The following BLNK variants were observed in gnomAD, a reference collection of about 807,000 sequenced individuals.
BLNK encodes B-cell linker protein.
Under a neutral mutation model 73.5 loss-of-function variants are expected in BLNK, and 29 were observed. The ratio of observed to expected loss-of-function variants is 0.39; its 90% CI spans 0.29 to 0.54. BLNK has a LOEUF of 0.54. Among genes scored for constraint, BLNK ranks in the 20% least tolerant of loss-of-function variants. The pLI is 0.61. For synonymous variants in BLNK, 176 were observed against 200.8 expected (o/e 0.88, Z 1.04); for missense variants, 460 against 562.8 (o/e 0.82, Z 1.85).
chr10:96,210,305 C>T lies in BLNK; in HGVS notation c.677-398G>A, dbSNP rs587659875. On this transcript the variant is annotated intron_variant, in intron 8 of 16. Transcript: ENST00000224337. ...CATCTGTGCACACTGCACAAATGTG[C>T]ACGGCAGAGGTGCCCAGAGACAGAG... 2.2e-5 allele frequency: 6 copies of T among 272,158 alleles called. No individual in the cohort carries two copies. The East Asian group carries it at 4.3e-4, about 20-fold the overall frequency. The allele number at this position is 272,158 out of a possible 1,614,324, so 16.9% of individuals were successfully genotyped here. A position where few individuals can be genotyped will look rare whatever the true frequency, so the allele number is the denominator to read the frequency against.
In BLNK at chr10:96,208,011, G is replaced by A. The variant is rs2083862467; in HGVS notation, c.747-112C>T. The A allele has an allele frequency of 5.2e-6, 6 of 1,151,930 alleles. No homozygotes were observed. In the South Asian group the frequency reaches 6.2e-5, roughly 12 times the overall value. The allele number at this position is 1,151,930 out of a possible 1,614,324, so 71.4% of individuals were successfully genotyped here. On this transcript the variant is annotated intron_variant, in intron 9 of 16. Transcript: ENST00000224337. ...CTAGAATTATGAAAGCGATACAAGTGTGTAGAAGACTATCCTTGCAGGGTG... is the reference window on the plus strand; with the variant it reads ...CTAGAATTATGAAAGCGATACAAGTATGTAGAAGACTATCCTTGCAGGGTG...
intron 4 of BLNK, 85 bp from the exon 5 acceptor site, chr10:96,227,651 G>A (rs1168859341): frequency 6.3e-7 from 1 of 1,596,248 alleles, no homozygotes; most frequent in Non-Finnish European, 8.5e-7. Flanking sequence ...TGGGAGGCCA[G>A]AGCAGTGACA....
intron 11 of BLNK, among the ~76,000 whole-genome samples, chr10:96,205,852 AT>A (rs1554897314): frequency 6.6e-6 from 1 of 152,186 alleles, no homozygotes; most frequent in South Asian, 2.1e-4. Context: ...TCTTTCCTGG[AT>A]TTTGGAGGCT....
intron 3 of BLNK, among the ~76,000 whole-genome samples, chr10:96,235,076 G>C (rs1842647804): frequency 1.3e-5 from 2 of 152,178 alleles, no homozygotes; most frequent in Non-Finnish European, 2.9e-5. Context: ...GCCCTCCCCA[G>C]CCTGTGGGCA....
chr10:96,255,894 G>A (rs923975611), intron 1 of BLNK, among the ~76,000 whole-genome samples: 2 of 152,096 alleles, frequency 1.3e-5, no homozygotes, highest in African/African-American at 2.4e-5. Flanking sequence ...GCAGCTCCCC[G>A]GTATCTACTG....
chr10:96,210,017 G>T, intron 8 of BLNK, 110 bp from the exon 9 acceptor site: 1 of 1,168,530 alleles, frequency 8.6e-7, no homozygotes, highest in Non-Finnish European at 1.3e-6. Flanking sequence ...ATACTGTGTT[G>T]CTTTCAGTTA....
chr10:96,227,478 G>A lies in BLNK; in HGVS notation c.293C>T (p.Pro98Leu), dbSNP rs201683834. The change falls in exon 5 of 17, where the codon CCG becomes CTG. Residue 98 changes from proline to leucine, a missense_variant. Around this residue, in one of 3 missense-constraint regions of BLNK, gnomAD observed 139 missense variants for 187.3 expected, o/e 0.74. Coordinates refer to ENST00000224337, the MANE Select transcript of BLNK (RefSeq NM_013314.4). The part of the protein sequence containing the change: ...AEENADDSYE[P>L]PPVEQETRPV... ...CCTGGTTTCCTGCTCTACTGGAGGC[G>A]GCTCGTAGCTGTCATCAGCGTTCTC... The A allele has an allele frequency of 2.3e-5, 37 of 1,614,110 alleles. No homozygotes were observed. Among genetic ancestry groups the A allele is most frequent in the South Asian group, 3.3e-5 (3 of 91,090 alleles).
chr10:96,209,922 A>G lies in BLNK; in HGVS notation c.677-15T>C. 1 of 1,614,146 alleles carries G rather than the reference A, an allele frequency of 6.2e-7. No individual in the cohort carries two copies. The highest frequency in any genetic ancestry group is 8.5e-7 in the Non-Finnish European group (1 of 1,179,990). ...ACTGTTTCGACCTGCACAAACATAT[A>G]CACTACTCAGTCCCCAAGTCCTGAG... On this transcript the variant is annotated splice_polypyrimidine_tract_variant and intron_variant, in intron 8 of 16. Coordinates refer to ENST00000224337, the MANE Select transcript of BLNK (RefSeq NM_013314.4).
intron 4 of BLNK, among the ~76,000 whole-genome samples, 198 bp downstream of exon 4, chr10:96,230,596 G>A (rs1842460083): frequency 6.6e-6 from 1 of 152,194 alleles, no homozygotes; most frequent in Admixed American, 6.5e-5. Context: ...GGTTATGTGT[G>A]GAAAGCTCTT....
Position 96,230,800 on chromosome 10 carries a change from A to G in BLNK, c.198T>C (p.Asp66=), listed in dbSNP as rs587721918. The G allele has an allele frequency of 1.9e-6, 3 of 1,610,484 alleles. No homozygotes were observed. In the Admixed American group the frequency reaches 5.0e-5, roughly 27 times the overall value. ...CCCAGGAGCAAATACTTACAAAGTCATCGGACCACTGCTCCTCTTCGTCAG... is the reference window on the plus strand; with the variant it reads ...CCCAGGAGCAAATACTTACAAAGTCGTCGGACCACTGCTCCTCTTCGTCAG... ...SPADEEEQWS[D]DFDSDYENPD... Residue 66 remains aspartate, a synonymous_variant, in exon 4 of 17, where the codon GAT becomes GAC. Transcript: ENST00000224337.
At chr10:96,248,210 C>T (rs782213270) in intron 1 of BLNK, among the ~76,000 whole-genome samples, 1 of 152,150 alleles carries the variant, frequency 6.6e-6, no homozygotes, top group Admixed American at 6.5e-5. Flanking sequence ...AAAGTAATCA[C>T]GGTTTTTGCC....
chr10:96,271,462 C>T lies in BLNK; in HGVS notation c.-64G>A, dbSNP rs554740190. 1.3e-6 allele frequency: 2 copies of T among 1,546,136 alleles called. No individual in the cohort carries two copies. The highest frequency in any genetic ancestry group is 2.2e-5 in the East Asian group (1 of 44,542). ...GTGGTCACGTCAGCAGTTCCTGGCC[C>T]TCCTAGGGAGCAGCATGGTAAGCCT... On this transcript the variant is annotated 5_prime_UTR_variant, in exon 1 of 17. Coordinates refer to ENST00000224337, the MANE Select transcript of BLNK (RefSeq NM_013314.4).
chr10:96,223,980 G>C lies in BLNK; in HGVS notation c.371C>G (p.Ser124Ter). Residue 124 changes from serine (S) to a stop codon, truncating the protein, a stop_gained, in exon 6 of 17, where the codon TCA (serine) becomes TGA (stop). Transcript: ENST00000224337. LOFTEE classifies it high-confidence loss of function. ...GAAGGGTGGGGAATGCCTCTGGCTTGATCGATTGTCTTGAAAGGAACAAAC... is the reference window on the plus strand; with the variant it reads ...GAAGGGTGGGGAATGCCTCTGGCTTCATCGATTGTCTTGAAAGGAACAAAC... ...FARGEYIDNR[S>*]SQRHSPPFSK... The C allele has an allele frequency of 6.2e-7, 1 of 1,612,860 alleles. No homozygotes were observed. The highest frequency in any genetic ancestry group is 8.5e-7 in the Non-Finnish European group (1 of 1,180,020).
intron 11 of BLNK, among the ~76,000 whole-genome samples, chr10:96,206,358 C>G (rs1250299026): frequency 1.3e-5 from 2 of 151,766 alleles, no homozygotes; most frequent in Non-Finnish European, 2.9e-5. Flanking sequence ...AATTTCCAAA[C>G]ACAATTTTTT....
chr10:96,209,970 A>T, intron 8 of BLNK, 63 bp from the exon 9 acceptor site: 1 of 1,561,920 alleles, frequency 6.4e-7, no homozygotes, highest in Non-Finnish European at 8.8e-7. Flanking sequence ...GCTCACACTG[A>T]GGCTGGCCTC....
intron 1 of BLNK, among the ~76,000 whole-genome samples, chr10:96,265,046 C>A (rs186875877): frequency 9.5e-4 from 144 of 152,256 alleles, no homozygotes; most frequent in African/African-American, 3.2e-3. Flanking sequence ...GTTGCAGCCT[C>A]AACCTCCTGG....
chr10:96,197,368 A>C (rs1312837651), intron 15 of BLNK, among the ~76,000 whole-genome samples: 2 of 152,150 alleles, frequency 1.3e-5, no homozygotes, highest in Non-Finnish European at 2.9e-5. Flanking sequence ...GCAGTGGTGC[A>C]ATCACAGTCC....
At chr10:96,216,400 G>A in intron 7 of BLNK, 1 of 535,800 alleles carries the variant, frequency 1.9e-6, no homozygotes, top group African/African-American at 1.9e-5. Context: ...CTACCCAGGT[G>A]CTTTCATAAT....
intron 1 of BLNK, among the ~76,000 whole-genome samples, chr10:96,248,120 T>C (rs1424668886): frequency 6.6e-6 from 1 of 152,108 alleles, no homozygotes; most frequent in African/African-American, 2.4e-5. Context: ...ATGTACAAAA[T>C]CAAAAGATAA....
Sources: gnomAD v4.1 joint callset for allele counts (sites outside exome capture counted in the v4.1 genomes callset) on GRCh38, gnomAD v4.1.1 for gene constraint, gnomAD v4.1.1 regional missense constraint, MANE v1.5 for transcripts, NCBI Gene and HGNC (gene_info 2026-07-23, HGNC 2026-07-21) for gene names.